The following SEC24B variants were observed in gnomAD, a reference collection of about 807,000 sequenced individuals.
The protein encoded by SEC24B is protein transport protein Sec24B.
A neutral mutation model predicts 142.8 loss-of-function variants in SEC24B; 45 were observed. The observed-to-expected ratio is 0.32, with a 90% CI of 0.25 to 0.40. The LOEUF is 0.40. Ranked by LOEUF, SEC24B falls within the 10% of genes least tolerant of loss-of-function variation. SEC24B has a pLI of 1.00. For synonymous variants in SEC24B, 574 were observed against 568.2 expected (o/e 1.01, Z -0.15); for missense variants, 1,409 against 1,526.8 (o/e 0.92, Z 1.29).
chr4:109,502,518 A>G (rs551014074), intron 6 of SEC24B, among the ~76,000 whole-genome samples: 4 of 152,280 alleles, frequency 2.6e-5, no homozygotes, highest in Admixed American at 2.0e-4. Flanking sequence ...TAGATAAGAG[A>G]TAACTTTTTA....
At chr4:109,494,980 A>C in intron 6 of SEC24B, 124 bp downstream of exon 6, 1 of 1,117,022 alleles carries the variant, frequency 9.0e-7, no homozygotes, top group Non-Finnish European at 1.3e-6. Context: ...AGCCTAGATC[A>C]AACATACATA....
At chr4:109,447,183 G>A (rs1028007583) in intron 1 of SEC24B, among the ~76,000 whole-genome samples, 2 of 152,110 alleles carry the variant, frequency 1.3e-5, no homozygotes, top group African/African-American at 4.8e-5. Flanking sequence ...CCTATCTGAA[G>A]ATTGAGAGGT....
chr4:109,436,251 G>C (rs1728399402), intron 1 of SEC24B, among the ~76,000 whole-genome samples: 1 of 151,884 alleles, frequency 6.6e-6, no homozygotes, highest in South Asian at 2.1e-4. Flanking sequence ...AGAGAAACAA[G>C]ATTAAATCTC....
intron 2 of SEC24B, among the ~76,000 whole-genome samples, chr4:109,467,605 A>G (rs1732088585): frequency 6.6e-6 from 1 of 152,216 alleles, no homozygotes; most frequent in Non-Finnish European, 1.5e-5. Flanking sequence ...TTTGACAGCA[A>G]GATGAGTACC....
At chr4:109,524,757 A>G in intron 14 of SEC24B, 61 bp from the exon 15 acceptor site, 1 of 1,503,270 alleles carries the variant, frequency 6.7e-7, no homozygotes, top group Non-Finnish European at 9.0e-7. Context: ...TTGTTATAAA[A>G]ATGACATGAA....
intron 12 of SEC24B, 40 bp from the exon 13 acceptor site, chr4:109,521,077 T>C: frequency 8.1e-7 from 1 of 1,235,600 alleles, no homozygotes; most frequent in Non-Finnish European, 1.2e-6. Context: ...ATGTATTCTT[T>C]TGTTCGATTT....
At chr4:109,491,638 A>G (rs747163387) in intron 5 of SEC24B, among the ~76,000 whole-genome samples, 1 of 152,132 alleles carries the variant, frequency 6.6e-6, no homozygotes, top group Non-Finnish European at 1.5e-5. Context: ...ATCTTTTTCT[A>G]AAAGATTTTC....
intron 1 of SEC24B, among the ~76,000 whole-genome samples, chr4:109,455,536 C>T (rs937696950): frequency 1.3e-5 from 2 of 152,112 alleles, no homozygotes; most frequent in African/African-American, 2.4e-5. Context: ...CCACCACACC[C>T]GGCCTGTGAT....
In SEC24B at chr4:109,473,891, T is replaced by C. The variant is rs1732793386; in HGVS notation, c.1060+705T>C. Reference sequence around the variant, plus strand: ...GAGATGATTGAACTGTTTTCAAGAATCTGTAGTTTGTATTTCCAGAGCAAC... The same window carrying C: ...GAGATGATTGAACTGTTTTCAAGAACCTGTAGTTTGTATTTCCAGAGCAAC... On this transcript the variant is annotated intron_variant, in intron 3 of 23. Transcript: ENST00000265175. Among the ~76,000 whole-genome samples, 3 of 152,214 alleles carry C rather than the reference T, an allele frequency of 2.0e-5. No individual in the cohort carries two copies. The South Asian group carries it at 6.2e-4, about 32-fold the overall frequency.
chr4:109,446,673 T>C (rs1226903720), intron 1 of SEC24B, among the ~76,000 whole-genome samples: 1 of 152,236 alleles, frequency 6.6e-6, no homozygotes, highest in Non-Finnish European at 1.5e-5. Context: ...GGGTAAAAAG[T>C]GTAACACGCC....
At chr4:109,455,664 A>G (rs764516307) in intron 1 of SEC24B, among the ~76,000 whole-genome samples, 17 of 152,218 alleles carry the variant, frequency 1.1e-4, no homozygotes, top group Non-Finnish European at 2.1e-4. Flanking sequence ...ATCTTTCCTC[A>G]ATTGCATTGC....
intron 20 of SEC24B, among the ~76,000 whole-genome samples, chr4:109,531,757 T>C (rs978908327): frequency 6.6e-6 from 1 of 152,244 alleles, no homozygotes; most frequent in African/African-American, 2.4e-5. Context: ...AGAAGTAATT[T>C]GTCTTGTAGG....
intron 1 of SEC24B, among the ~76,000 whole-genome samples, chr4:109,436,284 CA>C (rs986869617): frequency 4.1e-4 from 59 of 142,398 alleles, no homozygotes; most frequent in East Asian, 6.0e-4. Flanking sequence ...TTGCTAATCT[CA>C]AAAAAAAAAA....
intron 4 of SEC24B, among the ~76,000 whole-genome samples, chr4:109,484,947 G>T (rs1455503902): frequency 3.3e-5 from 5 of 150,934 alleles, no homozygotes; most frequent in Non-Finnish European, 7.4e-5. Flanking sequence ...TAAAATTCCT[G>T]AGTTTTTATG....
chr4:109,510,787 G>A (rs1737235608), intron 8 of SEC24B, among the ~76,000 whole-genome samples: 1 of 152,028 alleles, frequency 6.6e-6, no homozygotes, highest in African/African-American at 2.4e-5. Context: ...TTCATAAGTT[G>A]CATTTCTGTC....
chr4:109,517,128 A>G (rs1723020249), intron 11 of SEC24B, among the ~76,000 whole-genome samples: 2 of 152,208 alleles, frequency 1.3e-5, no homozygotes, highest in Non-Finnish European at 1.5e-5. Context: ...AATATATCCA[A>G]AGAAAATAAA....
At chr4:109,460,811 G>T (rs1731178826) in intron 1 of SEC24B, among the ~76,000 whole-genome samples, 1 of 150,136 alleles carries the variant, frequency 6.7e-6, no homozygotes, top group African/African-American at 2.4e-5. Context: ...ATGTTTTGTT[G>T]GTATTAATAA....
chr4:109,534,280 T>TG (rs34842550), intron 22 of SEC24B, among the ~76,000 whole-genome samples: 2 of 79,232 alleles, frequency 2.5e-5, no homozygotes, highest in African/African-American at 5.1e-4. Context: ...ATATTTGTGG[T>TG]TTTTTTTTTT....
At chr4:109,529,348 T>C (rs893719647) in intron 18 of SEC24B, among the ~76,000 whole-genome samples, 3 of 152,168 alleles carry the variant, frequency 2.0e-5, no homozygotes, top group African/African-American at 7.2e-5. Flanking sequence ...ATTTTTTAAG[T>C]ATAATTTTAT....
Sources: allele counts gnomAD v4.1 joint callset (sites outside exome capture counted in the v4.1 genomes callset), GRCh38; gene constraint gnomAD v4.1.1; transcripts MANE v1.5; gene names NCBI Gene and HGNC (gene_info 2026-07-23, HGNC 2026-07-21).